The following GOT1 variants were observed in gnomAD, a reference collection of about 807,000 sequenced individuals.
The protein encoded by GOT1 is glutamic-oxaloacetic transaminase 1, also known as aspartate aminotransferase, cytoplasmic.
Under a neutral mutation model 48.2 loss-of-function variants are expected in GOT1, and 25 were observed. That is an observed-to-expected ratio of 0.52 (90% CI 0.38 to 0.72). The LOEUF is 0.72. GOT1 is among the 30% of genes least tolerant of loss of function. GOT1 has a pLI of 0.00. For missense variants in GOT1, 380 were observed against 520.1 expected (o/e 0.73, Z 2.62); for synonymous variants, 188 against 193.8 (o/e 0.97, Z 0.25).
At chr10:99,401,211 G>A (rs551267663) in intron 8 of GOT1, among the ~76,000 whole-genome samples, 1 of 152,190 alleles carries the variant, frequency 6.6e-6, no homozygotes, top group Non-Finnish European at 1.5e-5. Flanking sequence ...TTTTATAATT[G>A]TGAGTGAACT....
chr10:99,416,487 G>T (rs1030474755), intron 2 of GOT1, among the ~76,000 whole-genome samples: 4 of 152,200 alleles, frequency 2.6e-5, no homozygotes, highest in Non-Finnish European at 4.4e-5. Context: ...CGGATAGGAA[G>T]AATCAATATC....
At chr10:99,411,996 G>A (rs531847594) in intron 2 of GOT1, among the ~76,000 whole-genome samples, 1 of 152,262 alleles carries the variant, frequency 6.6e-6, no homozygotes, top group Admixed American at 6.5e-5. Context: ...ATAACTCAGA[G>A]AGCTTAAACA....
chr10:99,403,170 A>G (rs986121346), intron 7 of GOT1, among the ~76,000 whole-genome samples: 4 of 151,432 alleles, frequency 2.6e-5, no homozygotes, highest in African/African-American at 4.9e-5. Flanking sequence ...TCGATATTCT[A>G]TTTTGCTGGG....
intron 1 of GOT1, among the ~76,000 whole-genome samples, chr10:99,429,186 A>G (rs1243675225): frequency 6.6e-6 from 1 of 151,630 alleles, no homozygotes; most frequent in African/African-American, 2.4e-5. Context: ...AGTACCTGGG[A>G]CTATAGGCGG....
chr10:99,402,796 ACTCT>A, intron 7 of GOT1, 74 bp from the exon 8 acceptor site: 1 of 1,292,496 alleles, frequency 7.7e-7, no homozygotes, highest in South Asian at 1.2e-5. Flanking sequence ...AGGTTTAAAA[ACTCT>A]AATTTAAACG....
intron 3 of GOT1, among the ~76,000 whole-genome samples, 168 bp downstream of exon 3, chr10:99,406,557 TG>T (rs1254009706): frequency 6.6e-6 from 1 of 152,228 alleles, no homozygotes; most frequent in African/African-American, 2.4e-5. Flanking sequence ...ATTCTTAACT[TG>T]ATTTTGAGCA....
chr10:99,415,076 A>G (rs1281478017), intron 2 of GOT1, among the ~76,000 whole-genome samples: 1 of 151,160 alleles, frequency 6.6e-6, no homozygotes, highest in Non-Finnish European at 1.5e-5. Context: ...GCAGAAGGCA[A>G]GAAATAACTA....
chr10:99,405,960 T>A, intron 4 of GOT1, 100 bp from the exon 5 acceptor site: 1 of 813,246 alleles, frequency 1.2e-6, no homozygotes, highest in South Asian at 1.4e-5. Flanking sequence ...AGGGCAACCA[T>A]ATTCTTGTCA....
chr10:99,415,912 C>A (rs1227271263), intron 2 of GOT1, among the ~76,000 whole-genome samples: 2 of 152,150 alleles, frequency 1.3e-5, no homozygotes, highest in Non-Finnish European at 2.9e-5. Flanking sequence ...TAAAAACTCT[C>A]AATAAATTAG....
intron 8 of GOT1, among the ~76,000 whole-genome samples, chr10:99,400,760 G>C (rs1286449425): frequency 2.6e-5 from 4 of 152,202 alleles, no homozygotes; most frequent in Non-Finnish European, 5.9e-5. Flanking sequence ...GGTCAACATG[G>C]TGAAACCCTG....
At chr10:99,412,469 A>G (rs2032839048) in intron 2 of GOT1, among the ~76,000 whole-genome samples, 1 of 151,762 alleles carries the variant, frequency 6.6e-6, no homozygotes, top group African/African-American at 2.4e-5. Context: ...AGAGGCTATT[A>G]GTGAACTAAG....
At chr10:99,418,270 C>T (rs963278957) in intron 2 of GOT1, among the ~76,000 whole-genome samples, 7 of 151,896 alleles carry the variant, frequency 4.6e-5, no homozygotes, top group Non-Finnish European at 1.0e-4. Flanking sequence ...AGGGTCAAGG[C>T]TACAAAAAAT....
chr10:99,406,888 G>T (rs200033141), intron 2 of GOT1, 39 bp from the exon 3 acceptor site: 4 of 1,605,704 alleles, frequency 2.5e-6, no homozygotes, highest in Non-Finnish European at 2.6e-6. Flanking sequence ...TGATAATGGT[G>T]AGGTCAGATA....
chr10:99,409,576 A>G (rs895804070), intron 2 of GOT1, among the ~76,000 whole-genome samples: 2 of 152,256 alleles, frequency 1.3e-5, no homozygotes, highest in African/African-American at 2.4e-5. Context: ...TAACTTCCCA[A>G]GTAAACATTA....
chr10:99,421,132 G>A (rs1315033348), intron 1 of GOT1, among the ~76,000 whole-genome samples: 2 of 152,190 alleles, frequency 1.3e-5, no homozygotes, highest in Non-Finnish European at 2.9e-5. Context: ...AAAGCACTCT[G>A]CAAAGTAAAA....
Position 99,409,578 on chromosome 10 carries a change from T to A in GOT1, c.301-2729A>T, listed in dbSNP as rs577411166. On this transcript the variant is annotated intron_variant, in intron 2 of 8. Coordinates refer to ENST00000370508, the MANE Select transcript of GOT1 (RefSeq NM_002079.3). Reference sequence around the variant, plus strand: ...CGTACCTTGATACTAACTTCCCAAGTAAACATTAATGAACAATATTAATCC... The same window carrying A: ...CGTACCTTGATACTAACTTCCCAAGAAAACATTAATGAACAATATTAATCC... Among the ~76,000 whole-genome samples, 23 of 152,254 alleles carry A rather than the reference T, an allele frequency of 1.5e-4. 1 individual carries two copies. In the South Asian group the frequency reaches 4.4e-3, roughly 29 times the overall value.
chr10:99,403,225 T>TG (rs11378738), intron 7 of GOT1, among the ~76,000 whole-genome samples: 5,148 of 150,744 alleles, frequency 0.034, 303 homozygotes, highest in African/African-American at 0.12. Context: ...GAAGACTGGG[T>TG]GGGGGGGGAA....
chr10:99,397,353 A>C lies in GOT1; in HGVS notation c.*194T>G. ...ATTTGCTTTGACCTCCAAAGGCTCT[A>C]ATCCCAGTCTCCAAATTCGTCTCAA... On this transcript the variant is annotated 3_prime_UTR_variant, in exon 9 of 9. Coordinates refer to ENST00000370508, the MANE Select transcript of GOT1 (RefSeq NM_002079.3). The surrounding 1 kb of genome is among the most constrained non-coding windows in gnomAD (Gnocchi z 5.4). 1.6e-6 allele frequency: 1 copy of C among 641,462 alleles called. No homozygotes were observed. The highest frequency in any genetic ancestry group is 2.8e-6 in the Non-Finnish European group (1 of 354,368). The allele number at this position is 641,462 out of a possible 1,614,324, so 39.7% of individuals were successfully genotyped here. A position where few individuals can be genotyped will look rare whatever the true frequency, so the allele number is the denominator to read the frequency against.
chr10:99,430,336 C>T (rs2033101511), intron 1 of GOT1, 112 bp downstream of exon 1: 6 of 1,605,526 alleles, frequency 3.7e-6, no homozygotes, highest in Non-Finnish European at 5.1e-6. Flanking sequence ...CCGGCGCCGC[C>T]CTCTTCAGGC....
Sources: gnomAD v4.1 joint callset for allele counts (sites outside exome capture counted in the v4.1 genomes callset) on GRCh38, gnomAD v4.1.1 for gene constraint, Gnocchi (gnomAD v3.1) non-coding constraint, MANE v1.5 for transcripts, NCBI Gene and HGNC (gene_info 2026-07-23, HGNC 2026-07-21) for gene names.